Variants in VGLL4 observed in about 807,000 individuals in gnomAD.
VGLL4 encodes transcription cofactor vestigial-like protein 4.
In VGLL4, 7 loss-of-function variants were observed where a neutral mutation model predicts 21.0. That is an observed-to-expected ratio of 0.33 (90% CI 0.19 to 0.63). VGLL4 has a LOEUF of 0.63. VGLL4 is among the 20% of genes least tolerant of loss of function. The pLI, the probability that VGLL4 is intolerant of heterozygous loss-of-function variation, is 0.78. For synonymous variants in VGLL4, 222 were observed against 173.2 expected, an observed-to-expected ratio of 1.28 and a Z score of -2.21; for missense variants, 394 against 425.7, an observed-to-expected ratio of 0.93 and a Z score of 0.66.
At chr3:11,720,890 T>C (rs919712739), upstream of VGLL4, 1 of 152,074 alleles carries the variant, frequency 6.6e-6, no homozygotes, top group Non-Finnish European at 1.5e-5. Flanking sequence ...GATTTGGTGG[T>C]GGGGGGCCGG....
At chr3:11,629,363 G>GAA (rs67261334) in intron 1 of VGLL4, among the ~76,000 whole-genome samples, 6 of 147,410 alleles carry the variant, frequency 4.1e-5, no homozygotes, top group Admixed American at 4.0e-4. Flanking sequence ...CATGTAGATT[G>GAA]AAAAAAAAAA....
At chr3:11,694,227 T>C (rs1437836958) in intron 2 of VGLL4, among the ~76,000 whole-genome samples, 1 of 152,224 alleles carries the variant, frequency 6.6e-6, no homozygotes, top group Non-Finnish European at 1.5e-5. Flanking sequence ...GAATCTTTTT[T>C]AAAATTTGAC....
At chr3:11,639,314 C>T (rs987496503) in intron 1 of VGLL4, among the ~76,000 whole-genome samples, 1 of 152,262 alleles carries the variant, frequency 6.6e-6, no homozygotes, top group Non-Finnish European at 1.5e-5. Context: ...CTCCTCTGCA[C>T]AGGCAGACAA....
rs373124033 is a variant in VGLL4 at position 11,559,501 on chromosome 3, C to T, written c.496-46G>A. 76 of 1,501,452 alleles carry T rather than the reference C, an allele frequency of 5.1e-5. 2 individuals are homozygous for T. The highest frequency in any genetic ancestry group is 1.2e-4 in the East Asian group (5 of 40,298). 93.0% of individuals were successfully genotyped at this position (1,501,452 alleles called of 1,614,324 possible). On this transcript the variant is annotated intron_variant, in intron 3 of 4. Coordinates refer to ENST00000430365, the MANE Select transcript of VGLL4 (RefSeq NM_001128219.3). ...AGTATGTGGAGACCAGCTTCAGTAC[C>T]GGGCACCACCCCTGGGGCCCTCCCC...
chr3:11,596,310 G>A (rs182392151), intron 2 of VGLL4, among the ~76,000 whole-genome samples: 4 of 152,306 alleles, frequency 2.6e-5, no homozygotes, highest in Admixed American at 6.5e-5. Context: ...GGAGAAAAGG[G>A]AAAGTAACTC....
intron 3 of VGLL4, among the ~76,000 whole-genome samples, chr3:11,563,601 G>C (rs572775671): frequency 1.3e-5 from 2 of 152,350 alleles, no homozygotes; most frequent in South Asian, 4.1e-4. Context: ...GTGAGCGCTC[G>C]TAAAACGTTG....
At chr3:11,570,935 G>A (rs1203168408) in intron 2 of VGLL4, among the ~76,000 whole-genome samples, 1 of 152,196 alleles carries the variant, frequency 6.6e-6, no homozygotes, top group Non-Finnish European at 1.5e-5. Flanking sequence ...GTGCCTGGGT[G>A]TGTCCCCAAG....
intron 1 of VGLL4, among the ~76,000 whole-genome samples, chr3:11,619,249 G>A (rs2075220482): frequency 6.6e-6 from 1 of 152,178 alleles, no homozygotes; most frequent in South Asian, 2.1e-4. Context: ...TAGCTTAATG[G>A]ACTAGATGAC....
chr3:11,702,785 T>C, intron 2 of VGLL4: 2 of 405,388 alleles, frequency 4.9e-6, no homozygotes, highest in East Asian at 8.3e-5. Context: ...TAAGTGCCAG[T>C]TAAAAGACTT....
At chr3:11,642,274 A>G (rs2075707561) in intron 1 of VGLL4, among the ~76,000 whole-genome samples, 1 of 152,230 alleles carries the variant, frequency 6.6e-6, no homozygotes, top group Non-Finnish European at 1.5e-5. Context: ...ATCCTCATCC[A>G]TAGAGTTTTA....
intron 2 of VGLL4, among the ~76,000 whole-genome samples, chr3:11,675,870 T>C (rs888113249): frequency 5.9e-5 from 9 of 152,234 alleles, no homozygotes; most frequent in African/African-American, 2.2e-4. Context: ...TTAACAGATG[T>C]TCTGACTTGA....
At chr3:11,649,953 T>TGG in intron 2 of VGLL4, among the ~76,000 whole-genome samples, 1 of 147,908 alleles carries the variant, frequency 6.8e-6, no homozygotes, top group South Asian at 2.2e-4. Context: ...TGGTTTGGTT[T>TGG]TTTTGAAACA....
intron 2 of VGLL4, among the ~76,000 whole-genome samples, chr3:11,682,404 CAAAAAA>C (rs34428676): frequency 1.1e-4 from 7 of 62,192 alleles, no homozygotes; most frequent in African/African-American, 2.7e-4. Context: ...GACCCTGTCT[CAAAAAA>C]AAAAAAAAAA....
chr3:11,559,482 T>C (rs2072767673), intron 3 of VGLL4, 27 bp from the exon 4 acceptor site: 1 of 1,533,280 alleles, frequency 6.5e-7, no homozygotes, highest in African/African-American at 1.4e-5. Flanking sequence ...TGTCAGTATG[T>C]GGAGACCAGC....
chr3:11,610,943 G>A (rs2616561), intron 1 of VGLL4, among the ~76,000 whole-genome samples: 76,457 of 152,064 alleles, frequency 0.5, 22,298 homozygotes, highest in African/African-American at 0.78. Context: ...CTTGCAGCCG[G>A]GGAAACTAGT....
At chr3:11,582,488 G>T (rs1377620836) in intron 2 of VGLL4, 2 of 926,876 alleles carry the variant, frequency 2.2e-6, no homozygotes, top group Non-Finnish European at 3.1e-6. Flanking sequence ...GTTTCCTATG[G>T]GTCCTGGGGT....
intron 2 of VGLL4, among the ~76,000 whole-genome samples, chr3:11,566,792 A>C (rs747467031): frequency 6.6e-6 from 1 of 152,044 alleles, no homozygotes; most frequent in Non-Finnish European, 1.5e-5. Flanking sequence ...CTCTTCGTCT[A>C]CGCACCCGCC....
At chr3:11,642,842 T>C (rs2075722182) in intron 1 of VGLL4, among the ~76,000 whole-genome samples, 1 of 152,094 alleles carries the variant, frequency 6.6e-6, no homozygotes, top group African/African-American at 2.4e-5. Flanking sequence ...CACCCCCCAG[T>C]GTCAGCGCTC....
At chr3:11,564,681 C>T in intron 3 of VGLL4, 116 bp downstream of exon 3, 3 of 1,289,276 alleles carry the variant, frequency 2.3e-6, no homozygotes, top group Non-Finnish European at 3.2e-6. Flanking sequence ...CACCTCCCTC[C>T]CTCACCACCT....
Sources: gnomAD v4.1 joint callset for allele counts (sites outside exome capture counted in the v4.1 genomes callset) on GRCh38, gnomAD v4.1.1 for gene constraint, MANE v1.5 for transcripts, NCBI Gene and HGNC (gene_info 2026-07-23, HGNC 2026-07-21) for gene names.